TMOD2: variants seen among roughly 807,000 people sequenced by gnomAD.
The protein encoded by TMOD2 is tropomodulin-2.
Under a neutral mutation model 39.9 loss-of-function variants are expected in TMOD2, and 22 were observed. The observed-to-expected ratio is 0.55, with a 90% CI of 0.39 to 0.79. The LOEUF is 0.79. Ranked by LOEUF, TMOD2 falls within the 30% of genes least tolerant of loss-of-function variation. TMOD2 has a pLI of 0.00. For missense variants in TMOD2, 386 were observed against 413.3 expected (o/e 0.93, Z 0.57); for synonymous variants, 123 against 146.1 (o/e 0.84, Z 1.14).
At chr15:51,767,324 C>T (rs1011166153) in intron 2 of TMOD2, among the ~76,000 whole-genome samples, 1 of 152,200 alleles carries the variant, frequency 6.6e-6, no homozygotes, top group Non-Finnish European at 1.5e-5. Flanking sequence ...CCACACCCGG[C>T]CCCAAACGCA....
chr15:51,774,876 G>A (rs2055876570), intron 4 of TMOD2, among the ~76,000 whole-genome samples: 1 of 152,020 alleles, frequency 6.6e-6, no homozygotes, highest in Non-Finnish European at 1.5e-5. Context: ...GTAATGCCTT[G>A]AGAAAGGAAA....
At chr15:51,789,574 A>T (rs2055995366) in intron 7 of TMOD2, among the ~76,000 whole-genome samples, 2 of 152,196 alleles carry the variant, frequency 1.3e-5, no homozygotes. Context: ...TCAGCACCAC[A>T]TCGCACTTAC....
intron 4 of TMOD2, among the ~76,000 whole-genome samples, chr15:51,774,338 G>A (rs1332745770): frequency 2.6e-5 from 4 of 152,162 alleles, no homozygotes; most frequent in Non-Finnish European, 4.4e-5. Flanking sequence ...AAAAGAATGT[G>A]TAATGAAAAG....
chr15:51,811,991 C>T lies in TMOD2; in HGVS notation c.*3537C>T, dbSNP rs1388639283. 6.6e-6 allele frequency: 1 copy of T among 152,150 alleles called. No individual in the cohort carries two copies. Among genetic ancestry groups the T allele is most frequent in the Non-Finnish European group, 1.5e-5 (1 of 68,036 alleles). 9.4% of individuals were successfully genotyped at this position (152,150 alleles called of 1,614,324 possible). A position where few individuals can be genotyped will look rare whatever the true frequency, so the allele number is the denominator to read the frequency against. On this transcript the variant is annotated 3_prime_UTR_variant, in exon 10 of 10. Coordinates refer to ENST00000249700, the MANE Select transcript of TMOD2 (RefSeq NM_014548.4). ...TCAACATGATGAAGCCCCTTTCTTC[C>T]ATCTTTGTAGGGCACATTGTATATA...
intron 3 of TMOD2, among the ~76,000 whole-genome samples, chr15:51,772,433 G>T (rs2055859755): frequency 6.6e-6 from 1 of 152,184 alleles, no homozygotes; most frequent in African/African-American, 2.4e-5. Context: ...GGATGTGTTG[G>T]CCTGGCTCGA....
chr15:51,798,640 G>A (rs1190125109), intron 8 of TMOD2, among the ~76,000 whole-genome samples: 2 of 152,228 alleles, frequency 1.3e-5, no homozygotes, highest in Non-Finnish European at 2.9e-5. Flanking sequence ...GTTGATAGCT[G>A]CTTTATTCAG....
At chr15:51,796,024 C>T (rs1327562201) in intron 7 of TMOD2, among the ~76,000 whole-genome samples, 2 of 149,760 alleles carry the variant, frequency 1.3e-5, no homozygotes, top group South Asian at 4.2e-4. Flanking sequence ...TATTGACCTG[C>T]TTGGTCAACT....
intron 1 of TMOD2, among the ~76,000 whole-genome samples, chr15:51,757,027 T>C (rs2055746568): frequency 6.6e-6 from 1 of 152,200 alleles, no homozygotes; most frequent in Non-Finnish European, 1.5e-5. Flanking sequence ...AATTTACTAG[T>C]TTTAGAAAAT....
At chr15:51,797,881 CA>C (rs199742341) in intron 7 of TMOD2, among the ~76,000 whole-genome samples, 2,727 of 106,620 alleles carry the variant, frequency 0.026, 73 homozygotes, top group Admixed American at 0.095. Context: ...TGTGTTTTCT[CA>C]AAAAAAAAAA....
chr15:51,766,691 T>G (rs1230412938), intron 2 of TMOD2, 124 bp downstream of exon 2: 1 of 1,047,312 alleles, frequency 9.5e-7, no homozygotes, highest in African/African-American at 1.6e-5. Flanking sequence ...TTCCTCTGAT[T>G]GGTTCTGGGT....
intron 8 of TMOD2, among the ~76,000 whole-genome samples, chr15:51,803,543 A>G (rs1398054728): frequency 6.6e-6 from 1 of 152,226 alleles, no homozygotes; most frequent in African/African-American, 2.4e-5. Flanking sequence ...ATTAAAATAT[A>G]TTAAATCATA....
intron 7 of TMOD2, among the ~76,000 whole-genome samples, chr15:51,785,956 CATTTA>C: frequency 6.6e-6 from 1 of 151,950 alleles, no homozygotes. Context: ...TTAAATTTAA[CATTTA>C]ATTTAAACAT....
rs559351012 is a variant in TMOD2, at chr15:51,784,192, C to A, written c.732+1364C>A. 3.9e-5 allele frequency: 6 copies of A among 152,350 alleles called. No individual in the cohort carries two copies. In the South Asian group the frequency reaches 1.2e-3, roughly 32 times the overall value. 9.4% of individuals were successfully genotyped at this position (152,350 alleles called of 1,614,324 possible). ...TTCTACAGCCAGGAAGCTTAACCAT[C>A]AAGCTATGCTAGATTTACACACAAT... is the stretch of plus-strand genomic sequence containing the variant. On this transcript the variant is annotated intron_variant, in intron 7 of 9. Transcript: ENST00000249700.
chr15:51,764,014 A>G (rs897786209), intron 1 of TMOD2, among the ~76,000 whole-genome samples: 1 of 151,928 alleles, frequency 6.6e-6, no homozygotes, highest in African/African-American at 2.4e-5. Context: ...AGTGTATAGG[A>G]TCCAATTGGT....
intron 8 of TMOD2, 107 bp downstream of exon 8, chr15:51,798,447 T>A: frequency 4.6e-6 from 6 of 1,314,654 alleles, no homozygotes; most frequent in Non-Finnish European, 6.3e-6. Flanking sequence ...TGTGACTCAA[T>A]TTGATGTACT....
intron 7 of TMOD2, among the ~76,000 whole-genome samples, chr15:51,793,868 G>C (rs2141635858): frequency 6.6e-6 from 1 of 152,316 alleles, no homozygotes; most frequent in Non-Finnish European, 1.5e-5. Flanking sequence ...AGTCCAAAAG[G>C]AAAGTCCTGA....
Position 51,808,579 on chromosome 15 carries a change from TTTAA to T in TMOD2, c.*128_*131del. 1.7e-6 allele frequency: 1 copy of T among 601,456 alleles called. No individual in the cohort carries two copies. Among genetic ancestry groups the T allele is most frequent in the Non-Finnish European group, 2.8e-6 (1 of 358,866 alleles). 37.3% of individuals were successfully genotyped at this position (601,456 alleles called of 1,614,324 possible). A position where few individuals can be genotyped will look rare whatever the true frequency, so the allele number is the denominator to read the frequency against. On this transcript the variant is annotated 3_prime_UTR_variant, in exon 10 of 10. Transcript: ENST00000249700. ...TTTCCGTTAACCACATAACTAATAATTTAATTGTTATTCTTTTTTAGCACTACTT... is the reference window on the plus strand; with the variant it reads ...TTTCCGTTAACCACATAACTAATAATTTGTTATTCTTTTTTAGCACTACTT...
intron 3 of TMOD2, among the ~76,000 whole-genome samples, chr15:51,769,342 C>G (rs953993367): frequency 1.3e-5 from 2 of 152,156 alleles, no homozygotes; most frequent in Admixed American, 1.3e-4. Flanking sequence ...AGCACTGCAT[C>G]CCTAACCTTA....
Position 51,810,974 on chromosome 15 carries a change from C to A in TMOD2, c.*2520C>A, listed in dbSNP as rs754286775. On this transcript the variant is annotated 3_prime_UTR_variant, in exon 10 of 10. Transcript: ENST00000249700. The stretch of plus-strand genomic sequence containing the variant: ...TTAAAGCAAGATAATGGGACATTAT[C>A]AAAAATATAGCACTGTTTTTACCTT... 12 of 152,106 alleles carry A rather than the reference C, an allele frequency of 7.9e-5. No homozygotes were observed. The highest frequency in any genetic ancestry group is 2.0e-4 in the Admixed American group (3 of 15,268). 9.4% of individuals were successfully genotyped at this position (152,106 alleles called of 1,614,324 possible).
Sources: gnomAD v4.1 joint callset for allele counts (sites outside exome capture counted in the v4.1 genomes callset) on GRCh38, gnomAD v4.1.1 for gene constraint, MANE v1.5 for transcripts, NCBI Gene and HGNC (gene_info 2026-07-23, HGNC 2026-07-21) for gene names.